Variants in NSUN3 observed in about 807,000 individuals in gnomAD.
The protein encoded by NSUN3 is tRNA (cytosine(34)-C(5))-methyltransferase, mitochondrial.
In NSUN3, 24 loss-of-function variants were observed where a neutral mutation model predicts 36.8. That is an observed-to-expected ratio of 0.65 (90% CI 0.47 to 0.92). NSUN3 has a LOEUF of 0.92. Among genes scored for constraint, NSUN3 ranks in the 40% least tolerant of loss-of-function variants. The pLI, the probability that NSUN3 is intolerant of heterozygous loss-of-function variation, is 0.00. For synonymous variants in NSUN3, 146 were observed against 145.2 expected, an observed-to-expected ratio of 1.01 and a Z score of -0.04; for missense variants, 381 against 392.8, an observed-to-expected ratio of 0.97 and a Z score of 0.25.
At chr3:94,106,055 C>G (rs1488667588) in intron 5 of NSUN3, among the ~76,000 whole-genome samples, 2 of 151,956 alleles carry the variant, frequency 1.3e-5, no homozygotes, top group South Asian at 2.1e-4. Context: ...CCCTACTGTT[C>G]CATACTCATA....
intron 5 of NSUN3, among the ~76,000 whole-genome samples, chr3:94,121,126 G>A (rs540345890): frequency 4.6e-5 from 7 of 152,146 alleles, no homozygotes; most frequent in South Asian, 4.1e-4. Flanking sequence ...TTACCTTTGC[G>A]CTTCTGGAGG....
At chr3:94,110,608 G>C (rs1298764173) in intron 5 of NSUN3, among the ~76,000 whole-genome samples, 1 of 151,946 alleles carries the variant, frequency 6.6e-6, no homozygotes, top group Admixed American at 6.6e-5. Context: ...TGTAAATGTT[G>C]TTAGTATATA....
At chr3:94,081,035 T>G (rs1180442000) in intron 2 of NSUN3, among the ~76,000 whole-genome samples, 2 of 152,094 alleles carry the variant, frequency 1.3e-5, no homozygotes, top group Non-Finnish European at 2.9e-5. Flanking sequence ...AGGGCCCTGG[T>G]GGGGTAGGCA....
rs1203608080 is a variant in NSUN3, at chr3:94,130,170, T to G, written c.*3680T>G. On this transcript the variant is annotated 3_prime_UTR_variant, in exon 6 of 6. Transcript: ENST00000314622. Reference sequence around the variant, plus strand: ...TTATAGTTTGCCAAGGCTACACTGGTAAGTAAAGGGTTCAGCCAATGTATA... The same window carrying G: ...TTATAGTTTGCCAAGGCTACACTGGGAAGTAAAGGGTTCAGCCAATGTATA... Among the ~76,000 whole-genome samples the G allele has an allele frequency of 6.6e-6, 1 of 152,100 alleles. No individual in the cohort carries two copies. The highest frequency in any genetic ancestry group is 1.5e-5 in the Non-Finnish European group (1 of 68,012).
At chr3:94,093,988 T>G (rs1317711057) in intron 3 of NSUN3, 152 bp from the exon 4 acceptor site, 1 of 617,616 alleles carries the variant, frequency 1.6e-6, no homozygotes, top group Admixed American at 3.3e-5. Context: ...ATTTCTGTTT[T>G]TAAAGCATAA....
chr3:94,074,914 C>T (rs1240053953), intron 2 of NSUN3, among the ~76,000 whole-genome samples: 2 of 152,008 alleles, frequency 1.3e-5, no homozygotes, highest in Admixed American at 6.6e-5. Context: ...CAGTTTTTGC[C>T]CATTCAGTAT....
intron 5 of NSUN3, among the ~76,000 whole-genome samples, chr3:94,101,634 G>T (rs2077366552): frequency 6.6e-6 from 1 of 152,106 alleles, no homozygotes. Context: ...ATGAGAATGA[G>T]GGGCAAGGAT....
At chr3:94,085,531 C>A (rs936624347) in intron 3 of NSUN3, 1 of 152,376 alleles carries the variant, frequency 6.6e-6, no homozygotes, top group Non-Finnish European at 1.5e-5. Flanking sequence ...CCAAGGCAGG[C>A]GGATCGCTTG....
At chr3:94,116,464 A>C (rs1271316590) in intron 5 of NSUN3, among the ~76,000 whole-genome samples, 1 of 152,186 alleles carries the variant, frequency 6.6e-6, no homozygotes, top group Non-Finnish European at 1.5e-5. Flanking sequence ...GAAACCACAA[A>C]ACAATCCAGT....
chr3:94,126,777 G>A lies in NSUN3; in HGVS notation c.*287G>A. ...TATAGTTAAATTAATTAGAATATGT[G>A]GTTTTATGCATAACGTGTTTAGTTC... On this transcript the variant is annotated 3_prime_UTR_variant, in exon 6 of 6. Transcript: ENST00000314622. 3.6e-6 allele frequency: 1 copy of A among 274,628 alleles called. No homozygotes were observed. Among genetic ancestry groups the A allele is most frequent in the Non-Finnish European group, 6.9e-6 (1 of 145,254 alleles). The allele number at this position is 274,628 out of a possible 1,614,324, so 17.0% of individuals were successfully genotyped here.
At chr3:94,068,734 T>C (rs1366820513) in intron 2 of NSUN3, among the ~76,000 whole-genome samples, 1 of 151,736 alleles carries the variant, frequency 6.6e-6, no homozygotes, top group Non-Finnish European at 1.5e-5. Flanking sequence ...TTTTTTTTTT[T>C]GGACACTCTC....
At chr3:94,115,546 G>A (rs570416302) in intron 5 of NSUN3, among the ~76,000 whole-genome samples, 73 of 152,254 alleles carry the variant, frequency 4.8e-4, no homozygotes, top group South Asian at 3.1e-3. Context: ...AATTGTAGGC[G>A]AGACAGCGAT....
intron 5 of NSUN3, among the ~76,000 whole-genome samples, chr3:94,124,259 T>G (rs774889147): frequency 6.6e-6 from 1 of 150,590 alleles, no homozygotes; most frequent in Non-Finnish European, 1.5e-5. Flanking sequence ...TTCAAGTGAT[T>G]CTCCTACCTC....
At chr3:94,067,835 AG>A (rs1389370270) in intron 2 of NSUN3, among the ~76,000 whole-genome samples, 1 of 151,976 alleles carries the variant, frequency 6.6e-6, no homozygotes, top group African/African-American at 2.4e-5. Context: ...CACTTTGAAG[AG>A]CCTTGAGAGT....
chr3:94,095,080 T>G lies in NSUN3; in HGVS notation c.669T>G (p.Ser223=). 6.2e-7 allele frequency: 1 copy of G among 1,614,050 alleles called. No homozygotes were observed. The highest frequency in any genetic ancestry group is 8.5e-7 in the Non-Finnish European group (1 of 1,179,928). The change falls in exon 5 of 6, where the codon TCT becomes TCG. Residue 223 remains serine (S), a synonymous_variant. Coordinates refer to ENST00000314622, the MANE Select transcript of NSUN3 (RefSeq NM_022072.5). The part of the protein sequence containing the change: ...PCSNDRSWLF[S]SDSQKASCRI... ...CAAATGATCGAAGCTGGTTGTTTTC[T>G]TCTGACTCTCAGAAGGCATCCTGTA...
chr3:94,094,986 A>G, intron 4 of NSUN3, 47 bp from the exon 5 acceptor site: 1 of 1,600,922 alleles, frequency 6.2e-7, no homozygotes, highest in South Asian at 1.1e-5. Context: ...GTGCCTGAGA[A>G]TAGATTGTCA....
In NSUN3 at chr3:94,127,861, T is replaced by C. The variant is rs1208978294; in HGVS notation, c.*1371T>C. 6.6e-6 allele frequency: 1 copy of C among 151,704 alleles called. No individual in the cohort carries two copies. Among genetic ancestry groups the C allele is most frequent in the Non-Finnish European group, 1.5e-5 (1 of 67,924 alleles). The allele number at this position is 151,704 out of a possible 1,614,324, so 9.4% of individuals were successfully genotyped here. A position where few individuals can be genotyped will look rare whatever the true frequency, so the allele number is the denominator to read the frequency against. ...TATCATCAGGAAGTCTTAGGAAGAATTTTTTTTTCTGTACCTTCAGTCTGT... is the reference window on the plus strand; with the variant it reads ...TATCATCAGGAAGTCTTAGGAAGAACTTTTTTTTCTGTACCTTCAGTCTGT... On this transcript the variant is annotated 3_prime_UTR_variant, in exon 6 of 6. Coordinates refer to ENST00000314622, the MANE Select transcript of NSUN3 (RefSeq NM_022072.5).
intron 5 of NSUN3, among the ~76,000 whole-genome samples, chr3:94,102,125 ATTTGTAT>A: frequency 2.7e-5 from 4 of 149,398 alleles, no homozygotes; most frequent in Non-Finnish European, 4.4e-5. Context: ...CGTTTTGAAA[ATTTGTAT>A]AAATCATCCA....
Position 94,110,816 on chromosome 3 carries a change from ATGTGTGTG to A in NSUN3, c.744-15375_744-15368del, listed in dbSNP as rs541709907. Among the ~76,000 whole-genome samples, 14 of 146,424 alleles carry A rather than the reference ATGTGTGTG, an allele frequency of 9.6e-5. No individual in the cohort carries two copies. In the East Asian group the frequency reaches 2.6e-3, roughly 27 times the overall value. Reference sequence around the variant, plus strand: ...TATATGTATGCACATATATACATATATGTGTGTGTGTGTGTGTGTGTGTGTGTATATCT... The same window carrying A: ...TATATGTATGCACATATATACATATATGTGTGTGTGTGTGTGTGTATATCT... On this transcript the variant is annotated intron_variant, in intron 5 of 5. Coordinates refer to ENST00000314622, the MANE Select transcript of NSUN3 (RefSeq NM_022072.5).
Sources: gnomAD v4.1 joint callset for allele counts (sites outside exome capture counted in the v4.1 genomes callset) on GRCh38, gnomAD v4.1.1 for gene constraint, MANE v1.5 for transcripts, NCBI Gene and HGNC (gene_info 2026-07-23, HGNC 2026-07-21) for gene names.